Variants in TCTN3 observed in about 807,000 individuals in gnomAD.
TCTN3 encodes tectonic-3.
TCTN3 carries 57 observed loss-of-function variants against 71.3 expected under a neutral mutation model. The observed-to-expected ratio is 0.80, with a 90% CI of 0.65 to 1.00. The LOEUF is 1.00. TCTN3 is among the 50% of genes least tolerant of loss of function. The pLI is 0.00. For synonymous variants in TCTN3, 258 were observed against 267.8 expected (o/e 0.96, Z 0.36); for missense variants, 696 against 719.9 (o/e 0.97, Z 0.38).
chr10:95,669,820 T>C (rs2097929107), intron 13 of TCTN3, among the ~76,000 whole-genome samples: 1 of 151,906 alleles, frequency 6.6e-6, no homozygotes, highest in Admixed American at 6.6e-5. Context: ...TCCCAGCACT[T>C]TGGGAGGCCG....
rs1248852128 is a variant in TCTN3, at chr10:95,693,761, G to C, written c.139C>G (p.Leu47Val). The C allele has an allele frequency of 6.4e-7, 1 of 1,551,700 alleles. No homozygotes were observed. Among genetic ancestry groups the C allele is most frequent in the Admixed American group, 2.0e-5 (1 of 51,014 alleles). The change falls in exon 1 of 14, where the codon CTC (leucine) becomes GTC (valine). Residue 47 changes from leucine (L) to valine (V), a missense_variant. Coordinates refer to ENST00000371217, the MANE Select transcript of TCTN3 (RefSeq NM_015631.6). ...GCAGTCGCCTCTGAAGGGGACTGGA[G>C]GGTTCCGCCATCCGTCCCTCGCTGC... ...ELQRGTDGGT[L>V]QSPSEATATR...
intron 13 of TCTN3, among the ~76,000 whole-genome samples, chr10:95,670,365 A>G (rs2097929791): frequency 7.9e-6 from 1 of 126,024 alleles, no homozygotes; most frequent in South Asian, 2.5e-4. Flanking sequence ...TTTTATTTTT[A>G]TTTATTTATT....
intron 6 of TCTN3, 77 bp from the exon 7 acceptor site, chr10:95,686,607 C>G: frequency 6.9e-7 from 1 of 1,454,280 alleles, no homozygotes; most frequent in East Asian, 2.3e-5. Flanking sequence ...CATATTACTA[C>G]CAATAGGCTT....
intron 6 of TCTN3, 85 bp downstream of exon 6, chr10:95,686,959 G>T: frequency 1.7e-6 from 2 of 1,200,180 alleles, no homozygotes; most frequent in Non-Finnish European, 2.4e-6. Context: ...TTTATTCAAT[G>T]CTCTTTCCAC....
At chr10:95,676,935 G>A (rs905487145) in intron 13 of TCTN3, among the ~76,000 whole-genome samples, 2 of 152,126 alleles carry the variant, frequency 1.3e-5, no homozygotes, top group Non-Finnish European at 2.9e-5. Context: ...AACAGATTTA[G>A]AGAAGTAAAA....
chr10:95,667,372 C>T (rs1049685213), intron 13 of TCTN3, among the ~76,000 whole-genome samples: 3 of 152,088 alleles, frequency 2.0e-5, no homozygotes, highest in Non-Finnish European at 2.9e-5. Context: ...TATGCAAAAA[C>T]AGAAAGCAGA....
intron 9 of TCTN3, 75 bp from the exon 10 acceptor site, chr10:95,683,704 T>C: frequency 7.7e-7 from 1 of 1,297,412 alleles, no homozygotes; most frequent in Non-Finnish European, 1.1e-6. Context: ...GGCTTCACCG[T>C]ACCCTTCCTT....
intron 13 of TCTN3, among the ~76,000 whole-genome samples, chr10:95,677,036 T>C (rs1446190975): frequency 1.3e-5 from 2 of 152,154 alleles, no homozygotes; most frequent in African/African-American, 2.4e-5. Context: ...ATCTAAAGAG[T>C]AGATGATTCA....
intron 13 of TCTN3, among the ~76,000 whole-genome samples, chr10:95,672,644 G>T: frequency 7.1e-6 from 1 of 140,248 alleles, no homozygotes; most frequent in Admixed American, 7.1e-5. Flanking sequence ...TATGTTTAAT[G>T]ATCAATTGTT....
intron 8 of TCTN3, among the ~76,000 whole-genome samples, chr10:95,685,202 A>G (rs2097947096): frequency 1.3e-5 from 2 of 152,358 alleles, no homozygotes; most frequent in South Asian, 4.1e-4. Context: ...AATCAGTAAC[A>G]GACTGCAAGT....
chr10:95,684,872 T>C (rs1263661213), intron 8 of TCTN3, among the ~76,000 whole-genome samples: 2 of 152,050 alleles, frequency 1.3e-5, no homozygotes, highest in African/African-American at 2.4e-5. Context: ...TGGTAGGAAC[T>C]GAAAGGGAAG....
At chr10:95,693,280 C>T in intron 2 of TCTN3, 73 bp downstream of exon 2, 26 of 1,539,922 alleles carry the variant, frequency 1.7e-5, no homozygotes, top group Non-Finnish European at 2.3e-5. Context: ...AAGACTAACT[C>T]TTCTTACATC....
At chr10:95,669,809 A>T (rs2097929100) in intron 13 of TCTN3, among the ~76,000 whole-genome samples, 1 of 151,996 alleles carries the variant, frequency 6.6e-6, no homozygotes, top group African/African-American at 2.4e-5. Context: ...CACGCCTGTA[A>T]TCCCAGCACT....
At chr10:95,680,256 A>T (rs1185811916) in intron 13 of TCTN3, among the ~76,000 whole-genome samples, 1 of 151,600 alleles carries the variant, frequency 6.6e-6, no homozygotes, top group Non-Finnish European at 1.5e-5. Flanking sequence ...GATTTTTTTT[A>T]AAAAAGGATA....
intron 13 of TCTN3, among the ~76,000 whole-genome samples, chr10:95,676,196 G>C (rs2097936961): frequency 1.3e-5 from 2 of 151,782 alleles, no homozygotes. Context: ...CCACTAGTGG[G>C]TTTTGTCTAG....
intron 13 of TCTN3, among the ~76,000 whole-genome samples, chr10:95,669,510 G>T (rs1047704789): frequency 1.3e-5 from 2 of 152,154 alleles, no homozygotes; most frequent in African/African-American, 4.8e-5. Context: ...TCCCACCCAA[G>T]TTCAGGCCTT....
chr10:95,674,807 C>CACATTCATTCAGTCTA (rs2097935263), intron 13 of TCTN3, among the ~76,000 whole-genome samples: 2 of 149,516 alleles, frequency 1.3e-5, no homozygotes, highest in Admixed American at 1.3e-4. Flanking sequence ...AGTGACAGAG[C>CACATTCATTCAGTCTA]GAGACCCCAT....
intron 3 of TCTN3, among the ~76,000 whole-genome samples, chr10:95,689,426 CTATTTAAACA>C (rs993553889): frequency 1.3e-4 from 20 of 152,322 alleles, no homozygotes; most frequent in African/African-American, 4.1e-4. Flanking sequence ...CTTCCAAGAG[CTATTTAAACA>C]TTTCCTTCGG....
chr10:95,680,407 C>A, intron 13 of TCTN3, 65 bp downstream of exon 13: 2 of 1,519,896 alleles, frequency 1.3e-6, no homozygotes, highest in Non-Finnish European at 8.8e-7. Context: ...ATTTGGTTAA[C>A]AAATGACTGA....
Sources: gnomAD v4.1 joint callset for allele counts (sites outside exome capture counted in the v4.1 genomes callset) on GRCh38, gnomAD v4.1.1 for gene constraint, MANE v1.5 for transcripts, NCBI Gene and HGNC (gene_info 2026-07-23, HGNC 2026-07-21) for gene names.